Variants in UBE3A observed in about 807,000 individuals in gnomAD.
UBE3A encodes ubiquitin protein ligase E3A.
In UBE3A, 6 loss-of-function variants were observed where a neutral mutation model predicts 83.4. The observed-to-expected ratio is 0.07, with a 90% CI of 0.04 to 0.14. The LOEUF (loss-of-function observed/expected upper bound fraction) is 0.14. Ranked by LOEUF, UBE3A falls within the 10% of genes least tolerant of loss-of-function variation. UBE3A has a pLI of 1.00. For missense variants in UBE3A, 456 were observed against 1,036.1 expected (o/e 0.44, Z 7.69); for synonymous variants, 337 against 355.4 (o/e 0.95, Z 0.58).
In UBE3A at chr15:25,409,109, C is replaced by A. The variant is rs746471374; in HGVS notation, c.-2G>T. 17 of 1,595,044 alleles carry A rather than the reference C, an allele frequency of 1.1e-5. No homozygotes were observed. The highest frequency in any genetic ancestry group is 1.7e-5 in the Admixed American group (1 of 58,392). Reference sequence around the variant, plus strand: ...TTACCTTTTACAAGCTGTGGCCATTCGGTGACATCAGGGTGATCACAGCTT... The same window carrying A: ...TTACCTTTTACAAGCTGTGGCCATTAGGTGACATCAGGGTGATCACAGCTT... On this transcript the variant is annotated 5_prime_UTR_variant, in exon 3 of 13. Transcript: ENST00000648336.
At chr15:25,357,040 A>G (rs573571892) in intron 7 of UBE3A, 144 bp from the exon 8 acceptor site, 15 of 702,788 alleles carry the variant, frequency 2.1e-5, no homozygotes, top group Non-Finnish European at 3.0e-5. Context: ...TTTCTATTAT[A>G]TTAGCACTTG....
In UBE3A at chr15:25,399,562, G is replaced by C. The variant is rs1004301167; in HGVS notation, c.62+5899C>G. ...TTCTGTTTTGTGGGTCGATGTGTCT[G>C]TTTTTTTGTTTCTTTTGTTTTTAAA... On this transcript the variant is annotated intron_variant, in intron 4 of 12. Transcript: ENST00000648336. Among the ~76,000 whole-genome samples, 3 of 151,590 alleles carry C rather than the reference G, an allele frequency of 2.0e-5. No homozygotes were observed. In the East Asian group the frequency reaches 5.8e-4, roughly 29 times the overall value.
intron 6 of UBE3A, among the ~76,000 whole-genome samples, chr15:25,363,058 T>C (rs1001222090): frequency 1.3e-5 from 2 of 152,158 alleles, no homozygotes; most frequent in Non-Finnish European, 2.9e-5. Context: ...TATCTAGTCT[T>C]AGCTCTACCT....
Position 25,405,487 on chromosome 15 carries a change from C to G in UBE3A, c.36G>C (p.Gln12His). 6 of 1,613,832 alleles carry G rather than the reference C, an allele frequency of 3.7e-6. No individual in the cohort carries two copies. The highest frequency in any genetic ancestry group is 5.1e-6 in the Non-Finnish European group (6 of 1,179,864). ...ATACKRSGEP[Q>H]SDDIEASRMK... ...TTCGGCTAGCTTCAATGTCGTCAGA[C>G]TGAGGTTCTCCTGATCTGTAAAATG... Residue 12 changes from glutamine (Q) to histidine (H), a missense_variant, in exon 4 of 13, where the codon CAG becomes CAC. Coordinates refer to ENST00000648336, the MANE Select transcript of UBE3A (RefSeq NM_130839.5).
At chr15:25,398,313 T>G (rs779453182) in intron 4 of UBE3A, among the ~76,000 whole-genome samples, 6 of 152,116 alleles carry the variant, frequency 3.9e-5, no homozygotes, top group Non-Finnish European at 7.4e-5. Context: ...ATACTTATAT[T>G]TTATGGCAGA....
chr15:25,428,141 A>G (rs568346907), intron 1 of UBE3A, among the ~76,000 whole-genome samples: 2 of 152,282 alleles, frequency 1.3e-5, no homozygotes, highest in African/African-American at 4.8e-5. Flanking sequence ...TGAACTGTAC[A>G]CTTAAAAAAC....
chr15:25,341,246 C>A (rs1314239229), intron 11 of UBE3A, among the ~76,000 whole-genome samples: 6 of 1,040 alleles, frequency 5.8e-3, no homozygotes, highest in African/African-American at 0.011. Flanking sequence ...ATTTTCTGTA[C>A]GTTTAAGTAG....
At chr15:25,340,816 A>ATACTT (rs1452304151) in intron 11 of UBE3A, among the ~76,000 whole-genome samples, 5 of 152,218 alleles carry the variant, frequency 3.3e-5, no homozygotes, top group African/African-American at 4.8e-5. Context: ...ATGAACTAGA[A>ATACTT]TACTTTAAAC....
In UBE3A at chr15:25,338,895, T is replaced by TATA. The variant is rs1246370725; in HGVS notation, c.*239_*241dup. The TATA allele has an allele frequency of 4.7e-6, 1 of 212,370 alleles. No individual in the cohort carries two copies. Among genetic ancestry groups the TATA allele is most frequent in the African/African-American group, 2.3e-5 (1 of 43,232 alleles). 13.2% of individuals were successfully genotyped at this position (212,370 alleles called of 1,614,324 possible). A position where few individuals can be genotyped will look rare whatever the true frequency, so the allele number is the denominator to read the frequency against. ...TAACACTTTCACGCAAAAAAATAAT[T>TATA]ATAATAATAATAAAGGATTTGTTCA... is the stretch of plus-strand genomic sequence containing the variant. On this transcript the variant is annotated 3_prime_UTR_variant, in exon 13 of 13. Coordinates refer to ENST00000648336, the MANE Select transcript of UBE3A (RefSeq NM_130839.5).
intron 1 of UBE3A, among the ~76,000 whole-genome samples, chr15:25,426,049 T>C (rs1197140310): frequency 6.6e-6 from 1 of 151,976 alleles, no homozygotes; most frequent in Non-Finnish European, 1.5e-5. Flanking sequence ...TTAAATAAGG[T>C]ATGTTTATTT....
At chr15:25,430,137 A>G (rs868800947) in intron 1 of UBE3A, among the ~76,000 whole-genome samples, 4 of 62,896 alleles carry the variant, frequency 6.4e-5, no homozygotes, top group African/African-American at 3.7e-4. Context: ...TTATATATAT[A>G]TTATATATAT....
chr15:25,367,255 T>C (rs866475686), intron 6 of UBE3A, among the ~76,000 whole-genome samples: 1 of 79,468 alleles, frequency 1.3e-5, no homozygotes, highest in Non-Finnish European at 2.3e-5. Context: ...ATTTGCATAT[T>C]TGTAAATATG....
intron 4 of UBE3A, among the ~76,000 whole-genome samples, chr15:25,402,669 C>T (rs1244172922): frequency 6.6e-6 from 1 of 152,210 alleles, no homozygotes; most frequent in Non-Finnish European, 1.5e-5. Context: ...GTCTGGTGTA[C>T]ACTTCCCCTC....
chr15:25,430,820 C>T (rs1893236686), intron 1 of UBE3A, among the ~76,000 whole-genome samples: 2 of 152,098 alleles, frequency 1.3e-5, no homozygotes, highest in Admixed American at 1.3e-4. Context: ...GTGACCAACC[C>T]ATTCTCCAGC....
intron 11 of UBE3A, among the ~76,000 whole-genome samples, chr15:25,343,174 G>C (rs1239104150): frequency 1.3e-5 from 2 of 152,072 alleles, no homozygotes; most frequent in African/African-American, 2.4e-5. Context: ...CCAGAAAAAA[G>C]TAACATCTGT....
chr15:25,431,554 G>C (rs2153184256), intron 1 of UBE3A, among the ~76,000 whole-genome samples: 1 of 152,164 alleles, frequency 6.6e-6, no homozygotes, highest in East Asian at 1.9e-4. Flanking sequence ...TGTTGGCCAG[G>C]CTGGTCTCGA....
intron 7 of UBE3A, among the ~76,000 whole-genome samples, chr15:25,359,320 G>A (rs921621410): frequency 1.8e-4 from 28 of 152,052 alleles, no homozygotes; most frequent in East Asian, 3.9e-4. Flanking sequence ...AAAGGGCGTC[G>A]TCTTATGTAT....
chr15:25,398,210 G>C (rs964373026), intron 4 of UBE3A, among the ~76,000 whole-genome samples: 1 of 134,442 alleles, frequency 7.4e-6, no homozygotes, highest in Admixed American at 7.2e-5. Flanking sequence ...ACAAAAAAAA[G>C]GATACATATT....
rs2073863903 is a variant in UBE3A at position 25,334,449 on chromosome 15, C to G, written c.*4688G>C. 1 of 152,022 alleles carries G rather than the reference C, an allele frequency of 6.6e-6. No homozygotes were observed. The highest frequency in any genetic ancestry group is 6.5e-5 in the Admixed American group (1 of 15,270). 9.4% of individuals were successfully genotyped at this position (152,022 alleles called of 1,614,324 possible). A position where few individuals can be genotyped will look rare whatever the true frequency, so the allele number is the denominator to read the frequency against. On this transcript the variant is annotated 3_prime_UTR_variant, in exon 13 of 13. Transcript: ENST00000648336. ...ATCCCACAGTCATGGAACAGAAAAC[C>G]TAACACCATTAAAATAGCAGTTATT...
Sources: gnomAD v4.1 joint callset for allele counts (sites outside exome capture counted in the v4.1 genomes callset) on GRCh38, gnomAD v4.1.1 for gene constraint, MANE v1.5 for transcripts, NCBI Gene and HGNC (gene_info 2026-07-23, HGNC 2026-07-21) for gene names.